Variants in C9 observed in about 807,000 individuals in gnomAD.
The protein encoded by C9 is complement C9, also known as complement component C9.
C9 carries 63 observed loss-of-function variants against 65.4 expected under a neutral mutation model. The ratio of observed to expected loss-of-function variants is 0.96; its 90% CI spans 0.79 to 1.19. The LOEUF is 1.19. C9 is among the 50% of genes most tolerant of loss of function. The pLI is 0.00. For synonymous variants in C9, 229 were observed against 227.9 expected (o/e 1.00, Z -0.04); for missense variants, 744 against 670.1 (o/e 1.11, Z -1.22).
chr5:39,323,894 T>C (rs1753705191), intron 5 of C9, among the ~76,000 whole-genome samples: 1 of 152,062 alleles, frequency 6.6e-6, no homozygotes, highest in South Asian at 2.1e-4. Flanking sequence ...TATTCTTTTA[T>C]GTAAAAAACC....
At chr5:39,359,857 A>G (rs1469886042) in intron 1 of C9, among the ~76,000 whole-genome samples, 2 of 152,240 alleles carry the variant, frequency 1.3e-5, no homozygotes, top group Non-Finnish European at 2.9e-5. Context: ...GTTCAACATT[A>G]TACTGCAATT....
At chr5:39,301,001 A>G (rs1361595132) in intron 9 of C9, among the ~76,000 whole-genome samples, 1 of 152,058 alleles carries the variant, frequency 6.6e-6, no homozygotes, top group Non-Finnish European at 1.5e-5. Context: ...TAAAAGCAAA[A>G]TAATAAAGCT....
intron 5 of C9, among the ~76,000 whole-genome samples, chr5:39,329,910 T>C (rs772558312): frequency 6.6e-6 from 1 of 152,352 alleles, no homozygotes; most frequent in Admixed American, 6.5e-5. Flanking sequence ...TGTTCTTTTA[T>C]GTATAATAAT....
intron 9 of C9, among the ~76,000 whole-genome samples, chr5:39,295,662 A>G (rs1753173282): frequency 6.6e-6 from 1 of 151,206 alleles, no homozygotes; most frequent in African/African-American, 2.4e-5. Flanking sequence ...ACAGAAATTG[A>G]AAAAAAAATC....
chr5:39,290,288 A>G (rs1234520265), intron 9 of C9, among the ~76,000 whole-genome samples: 2 of 151,886 alleles, frequency 1.3e-5, no homozygotes, highest in African/African-American at 4.8e-5. Flanking sequence ...TAACATATAC[A>G]GGGAAATTTA....
At chr5:39,357,086 C>A (rs144780592) in intron 1 of C9, among the ~76,000 whole-genome samples, 1 of 152,172 alleles carries the variant, frequency 6.6e-6, no homozygotes, top group Non-Finnish European at 1.5e-5. Context: ...CATTGATATA[C>A]GCCTGGTCCT....
intron 9 of C9, among the ~76,000 whole-genome samples, chr5:39,299,081 T>G (rs1396017894): frequency 1.3e-5 from 2 of 151,870 alleles, no homozygotes; most frequent in Non-Finnish European, 2.9e-5. Context: ...ACAGCTAACA[T>G]CATACTTAAT....
At chr5:39,307,222 A>C (rs1395610911) in intron 8 of C9, among the ~76,000 whole-genome samples, 1 of 152,226 alleles carries the variant, frequency 6.6e-6, no homozygotes, top group Non-Finnish European at 1.5e-5. Flanking sequence ...TAAAGTGAAA[A>C]GTAACATTTC....
In C9 at chr5:39,306,609, T is replaced by C; in HGVS notation, c.1416+8A>G. 1 of 1,606,586 alleles carries C rather than the reference T, an allele frequency of 6.2e-7. No homozygotes were observed. Among genetic ancestry groups the C allele is most frequent in the Non-Finnish European group, 8.5e-7 (1 of 1,173,288 alleles). On this transcript the variant is annotated splice_region_variant and intron_variant, in intron 9 of 10. Coordinates refer to ENST00000263408, the MANE Select transcript of C9 (RefSeq NM_001737.5). The stretch of plus-strand genomic sequence containing the variant: ...AGTCTTCTGTTTGAAAATAAACACG[T>C]TTCTTACTTTTTGACTAATGAGAAC...
chr5:39,326,367 T>C (rs1753748272), intron 5 of C9, among the ~76,000 whole-genome samples: 1 of 152,224 alleles, frequency 6.6e-6, no homozygotes, highest in Non-Finnish European at 1.5e-5. Context: ...ATGCTGGATT[T>C]TATCTCTTCT....
intron 9 of C9, 102 bp from the exon 10 acceptor site, chr5:39,289,053 A>C: frequency 2.7e-6 from 2 of 741,096 alleles, no homozygotes; most frequent in Non-Finnish European, 2.4e-6. Context: ...TTAATTCAAC[A>C]AAGACTTATT....
intron 1 of C9, among the ~76,000 whole-genome samples, chr5:39,354,142 GA>G (rs1754375028): frequency 6.6e-6 from 1 of 152,154 alleles, no homozygotes; most frequent in Non-Finnish European, 1.5e-5. Context: ...AAAACGTCTA[GA>G]AGAACCTGCT....
At chr5:39,347,877 C>G (rs1294044191) in intron 1 of C9, among the ~76,000 whole-genome samples, 2 of 151,758 alleles carry the variant, frequency 1.3e-5, no homozygotes. Flanking sequence ...ACATCTACAA[C>G]TATCTGATCT....
At chr5:39,349,172 A>G (rs1754271702) in intron 1 of C9, among the ~76,000 whole-genome samples, 1 of 137,508 alleles carries the variant, frequency 7.3e-6, no homozygotes, top group African/African-American at 2.6e-5. Flanking sequence ...AAAGTATAAT[A>G]AACAAAAAAG....
At chr5:39,329,003 A>G (rs1200420914) in intron 5 of C9, among the ~76,000 whole-genome samples, 3 of 152,202 alleles carry the variant, frequency 2.0e-5, no homozygotes, top group Non-Finnish European at 2.9e-5. Context: ...ATTTTTGTTC[A>G]TCTCCCAAAT....
In C9 at chr5:39,326,882, ATTTGTTT is replaced by A. The variant is rs544822982; in HGVS notation, c.615+4787_615+4793del. Reference sequence around the variant, plus strand: ...ACTTTAATGGCAATTCCAATTAAATATTTGTTTTTTGCCATCATTAGAAATATTAACT... The same window carrying A: ...ACTTTAATGGCAATTCCAATTAAATATTTGCCATCATTAGAAATATTAACT... On this transcript the variant is annotated intron_variant, in intron 5 of 10. Transcript: ENST00000263408. Among the ~76,000 whole-genome samples the A allele has an allele frequency of 1.6e-3, 240 of 152,266 alleles. No individual in the cohort carries two copies. In the Middle Eastern group the frequency reaches 0.02, roughly 13 times the overall value.
At chr5:39,316,493 GCT>G (rs1310134332) in intron 5 of C9, among the ~76,000 whole-genome samples, 3 of 152,026 alleles carry the variant, frequency 2.0e-5, no homozygotes, top group Non-Finnish European at 4.4e-5. Context: ...TCCTCCTGAT[GCT>G]CTGTCACCCC....
At chr5:39,355,763 AT>A (rs1268186349) in intron 1 of C9, among the ~76,000 whole-genome samples, 2 of 152,170 alleles carry the variant, frequency 1.3e-5, no homozygotes, top group Non-Finnish European at 2.9e-5. Flanking sequence ...GAAGTCTGAA[AT>A]CAAGATATGG....
chr5:39,343,223 G>A (rs1316572666), intron 1 of C9, among the ~76,000 whole-genome samples: 3 of 152,188 alleles, frequency 2.0e-5, no homozygotes, highest in Admixed American at 6.5e-5. Flanking sequence ...CTGAAGCAGG[G>A]CAAGGCATCG....
Sources: allele counts gnomAD v4.1 joint callset (sites outside exome capture counted in the v4.1 genomes callset), GRCh38; gene constraint gnomAD v4.1.1; transcripts MANE v1.5; gene names NCBI Gene and HGNC (gene_info 2026-07-23, HGNC 2026-07-21).